UBR3: variants seen among roughly 807,000 people sequenced by gnomAD.
UBR3 encodes ubiquitin protein ligase E3 component n-recognin 3, also known as E3 ubiquitin-protein ligase UBR3.
A neutral mutation model predicts 243.2 loss-of-function variants in UBR3; 85 were observed. That is an observed-to-expected ratio of 0.35 (90% CI 0.29 to 0.42). The LOEUF is 0.42. Ranked by LOEUF, UBR3 falls within the 10% of genes least tolerant of loss-of-function variation. The pLI, the probability that UBR3 is intolerant of heterozygous loss-of-function variation, is 1.00. For synonymous variants in UBR3, 748 were observed against 799.8 expected, an observed-to-expected ratio of 0.94 and a Z score of 1.09; for missense variants, 1,686 against 2,300.8, an observed-to-expected ratio of 0.73 and a Z score of 5.47.
chr2:169,953,163 T>G (rs1212754104), intron 23 of UBR3, among the ~76,000 whole-genome samples: 1 of 152,172 alleles, frequency 6.6e-6, no homozygotes, highest in Non-Finnish European at 1.5e-5. Context: ...TTCTAAAAAT[T>G]TTAAAGGCTT....
intron 11 of UBR3, among the ~76,000 whole-genome samples, chr2:169,915,239 CTTTT>C (rs34781042): frequency 6.8e-6 from 1 of 147,978 alleles, no homozygotes; most frequent in African/African-American, 2.5e-5. Context: ...AGGACAGTGA[CTTTT>C]TTTTTTTTGA....
At chr2:169,929,879 G>A (rs572782258) in intron 18 of UBR3, among the ~76,000 whole-genome samples, 1 of 152,292 alleles carries the variant, frequency 6.6e-6, no homozygotes, top group Admixed American at 6.5e-5. Flanking sequence ...CCATTTTGAA[G>A]TTGTAAATAA....
In UBR3 at chr2:169,827,501, T is replaced by C; in HGVS notation, c.-7T>C. 1 of 1,228,022 alleles carries C rather than the reference T, an allele frequency of 8.1e-7. No homozygotes were observed. The highest frequency in any genetic ancestry group is 1.0e-6 in the Non-Finnish European group (1 of 986,246). The allele number at this position is 1,228,022 out of a possible 1,614,324, so 76.1% of individuals were successfully genotyped here. ...GCCCTGGACTCTCCAAATTCTGAGC[T>C]CTCATCATGGCGGCGGCGGCCGCGG... On this transcript the variant is annotated 5_prime_UTR_variant, in exon 1 of 39. Transcript: ENST00000272793.
At chr2:170,071,901 T>C (rs1259542702) in intron 35 of UBR3, among the ~76,000 whole-genome samples, 1 of 152,138 alleles carries the variant, frequency 6.6e-6, no homozygotes, top group African/African-American at 2.4e-5. Flanking sequence ...TTTAAAGCAG[T>C]CATTAAAAAG....
intron 24 of UBR3, among the ~76,000 whole-genome samples, chr2:169,959,534 A>C (rs545093176): frequency 6.6e-6 from 1 of 151,550 alleles, no homozygotes; most frequent in Non-Finnish European, 1.5e-5. Flanking sequence ...GTTACTGGAG[A>C]GCTATGAAGT....
intron 37 of UBR3, 29 bp downstream of exon 37, chr2:170,080,052 A>C: frequency 6.3e-7 from 1 of 1,581,828 alleles, no homozygotes; most frequent in East Asian, 2.2e-5. Context: ...TACAAAATTT[A>C]TGAAAACACA....
chr2:170,053,828 A>G (rs1284216330), intron 32 of UBR3, among the ~76,000 whole-genome samples: 4 of 152,234 alleles, frequency 2.6e-5, no homozygotes, highest in Non-Finnish European at 5.9e-5. Flanking sequence ...GGGGAGGAGT[A>G]TAATATAATA....
Position 170,082,916 on chromosome 2 carries a change from G to A in UBR3, c.*1073G>A, listed in dbSNP as rs527320593. The A allele has an allele frequency of 6.6e-6, 1 of 152,642 alleles. No individual in the cohort carries two copies. Among genetic ancestry groups the A allele is most frequent in the Non-Finnish European group, 1.5e-5 (1 of 67,998 alleles). The allele number at this position is 152,642 out of a possible 1,614,324, so 9.5% of individuals were successfully genotyped here. ...TTCTGCATTCTTCTTAGAAACTGCT[G>A]TGAAAAACAATTTATGTTTGCAGGG... On this transcript the variant is annotated 3_prime_UTR_variant, in exon 39 of 39. Transcript: ENST00000272793.
At chr2:170,038,281 C>T (rs1234129533) in intron 31 of UBR3, among the ~76,000 whole-genome samples, 1 of 152,114 alleles carries the variant, frequency 6.6e-6, no homozygotes. Flanking sequence ...CATAAACTTT[C>T]TTCTAATTTT....
chr2:169,902,963 C>T (rs553194719), intron 8 of UBR3, among the ~76,000 whole-genome samples: 35 of 152,298 alleles, frequency 2.3e-4, no homozygotes, highest in African/African-American at 4.3e-4. Context: ...AGTCCCTCTA[C>T]TTTTCCCATT....
chr2:169,938,274 CTT>C (rs113623124), intron 19 of UBR3, among the ~76,000 whole-genome samples: 31 of 141,754 alleles, frequency 2.2e-4, no homozygotes, highest in Admixed American at 3.5e-4. Flanking sequence ...TTTCTTTCTC[CTT>C]TTTTTTTTTT....
At chr2:169,878,358 T>C (rs1340629462) in intron 4 of UBR3, among the ~76,000 whole-genome samples, 167 bp from the exon 5 acceptor site, 1 of 115,142 alleles carries the variant, frequency 8.7e-6, no homozygotes, top group Non-Finnish European at 2.1e-5. Flanking sequence ...GAGAATCCCG[T>C]CTCAAAAAAA....
chr2:169,886,007 A>G (rs184149596), intron 5 of UBR3, among the ~76,000 whole-genome samples: 1 of 152,106 alleles, frequency 6.6e-6, no homozygotes, highest in African/African-American at 2.4e-5. Flanking sequence ...AAATACAAAA[A>G]TTAGCCCAGC....
At chr2:169,919,139 A>G (rs1440823781) in intron 11 of UBR3, among the ~76,000 whole-genome samples, 1 of 152,210 alleles carries the variant, frequency 6.6e-6, no homozygotes, top group African/African-American at 2.4e-5. Flanking sequence ...TAAGTTAGGG[A>G]TACTACCTAT....
At position 169,875,778 on chromosome 2, in the gene UBR3, T is replaced by C. The variant is rs1390987617; in HGVS notation, c.686-13T>C. On this transcript the variant is annotated splice_polypyrimidine_tract_variant and intron_variant, in intron 2 of 38. Transcript: ENST00000272793. The stretch of plus-strand genomic sequence containing the variant: ...ATTACCCTTATTTGATTTTTTTTCT[T>C]TTTTTCTTTTAGCAGCTGATGGACC... 2.0e-6 allele frequency: 3 copies of C among 1,499,970 alleles called. No homozygotes were observed. The Admixed American group carries it at 7.9e-5, about 39-fold the overall frequency. The allele number at this position is 1,499,970 out of a possible 1,614,324, so 92.9% of individuals were successfully genotyped here. A position where few individuals can be genotyped will look rare whatever the true frequency, so the allele number is the denominator to read the frequency against.
chr2:169,951,621 TA>T (rs575155459), intron 23 of UBR3, among the ~76,000 whole-genome samples: 27 of 152,224 alleles, frequency 1.8e-4, no homozygotes, highest in Admixed American at 1.6e-3. Context: ...GCACAGGGTA[TA>T]AATGGTTACA....
intron 11 of UBR3, among the ~76,000 whole-genome samples, chr2:169,922,036 C>T (rs1368806902): frequency 1.3e-5 from 2 of 151,948 alleles, no homozygotes; most frequent in African/African-American, 4.8e-5. Flanking sequence ...TCTATAATTC[C>T]AATCCTTTGG....
intron 19 of UBR3, among the ~76,000 whole-genome samples, chr2:169,939,403 C>T (rs544503724): frequency 4.4e-4 from 66 of 149,184 alleles, no homozygotes; most frequent in Middle Eastern, 3.5e-3. Flanking sequence ...GGACTACAGG[C>T]GCCTGCCACC....
chr2:169,957,325 G>A lies in UBR3; in HGVS notation c.3546-1113G>A, dbSNP rs192705543. The stretch of plus-strand genomic sequence containing the variant: ...TAAAATATTCTTTGGATGTCCATCA[G>A]TGATAGACTGGATTAAGAAAATGTG... On this transcript the variant is annotated intron_variant, in intron 23 of 38. Transcript: ENST00000272793. Among the ~76,000 whole-genome samples, 4 of 151,622 alleles carry A rather than the reference G, an allele frequency of 2.6e-5. No individual in the cohort carries two copies. The East Asian group carries it at 7.8e-4, about 29-fold the overall frequency.
Sources: gnomAD v4.1 joint callset for allele counts (sites outside exome capture counted in the v4.1 genomes callset) on GRCh38, gnomAD v4.1.1 for gene constraint, MANE v1.5 for transcripts, NCBI Gene and HGNC (gene_info 2026-07-23, HGNC 2026-07-21) for gene names.